PIP4K2A: variants seen among roughly 807,000 people sequenced by gnomAD.
PIP4K2A encodes the protein phosphatidylinositol-5-phosphate 4-kinase type 2 alpha.
Under a neutral mutation model 42.9 loss-of-function variants are expected in PIP4K2A, and 14 were observed. The ratio of observed to expected loss-of-function variants is 0.33; its 90% CI spans 0.22 to 0.51. PIP4K2A has a LOEUF of 0.51. Ranked by LOEUF, PIP4K2A falls within the 20% of genes least tolerant of loss-of-function variation. PIP4K2A has a pLI of 0.97. For missense variants in PIP4K2A, 434 were observed against 519.8 expected (o/e 0.83, Z 1.61); for synonymous variants, 192 against 192.2 (o/e 1.00, Z 0.01).
rs1413359233 is a variant in PIP4K2A at position 22,550,702 on chromosome 10, T to C, written c.749A>G (p.Asn250Ser). 1 of 1,607,146 alleles carries C rather than the reference T, an allele frequency of 6.2e-7. No homozygotes were observed. Among genetic ancestry groups the C allele is most frequent in the African/African-American group, 1.3e-5 (1 of 74,988 alleles). The change falls in exon 7 of 10, where the codon AAC (asparagine) becomes AGC (serine). Residue 250 changes from asparagine to serine, a missense_variant. Coordinates refer to ENST00000376573, the MANE Select transcript of PIP4K2A (RefSeq NM_005028.5). ...NEGQKIYIDD[N>S]NKKVFLEKLK... ...TTTTTCCAGGAAGACCTTCTTGTTGTTGTCATCAATATAAATCTTTTGGCC... is the reference window on the plus strand; with the variant it reads ...TTTTTCCAGGAAGACCTTCTTGTTGCTGTCATCAATATAAATCTTTTGGCC...
chr10:22,663,845 T>C (rs907587122), intron 1 of PIP4K2A, among the ~76,000 whole-genome samples: 3 of 151,450 alleles, frequency 2.0e-5, no homozygotes, highest in Non-Finnish European at 4.4e-5. Context: ...AATCTCACTG[T>C]TGTGCATTCA....
At chr10:22,639,685 C>A (rs1489908619) in intron 1 of PIP4K2A, among the ~76,000 whole-genome samples, 1 of 152,126 alleles carries the variant, frequency 6.6e-6, no homozygotes, top group African/African-American at 2.4e-5. Flanking sequence ...AACTTATTTG[C>A]TATAGTGAAT....
intron 1 of PIP4K2A, among the ~76,000 whole-genome samples, chr10:22,700,695 T>G (rs905087809): frequency 2.0e-5 from 3 of 152,210 alleles, no homozygotes; most frequent in African/African-American, 7.2e-5. Context: ...GCAGGTCATG[T>G]AGAATGCTAC....
At chr10:22,591,895 G>A in intron 3 of PIP4K2A, 114 bp from the exon 4 acceptor site, 2 of 895,756 alleles carry the variant, frequency 2.2e-6, no homozygotes, top group South Asian at 2.1e-5. Flanking sequence ...AAACATTTGT[G>A]TGTGGGATAA....
At chr10:22,567,395 G>T (rs1836870204) in intron 6 of PIP4K2A, 1 of 338,570 alleles carries the variant, frequency 3.0e-6, no homozygotes, top group Admixed American at 3.9e-5. Flanking sequence ...TTGGAAAGGA[G>T]TTTGAGGCTC....
intron 1 of PIP4K2A, among the ~76,000 whole-genome samples, chr10:22,698,458 ATCTCT>A (rs978755957): frequency 2.0e-5 from 3 of 152,210 alleles, no homozygotes; most frequent in African/African-American, 7.2e-5. Context: ...CAAAAAGAGA[ATCTCT>A]TCTAAGGAAA....
intron 1 of PIP4K2A, among the ~76,000 whole-genome samples, chr10:22,650,421 A>T (rs907142528): frequency 6.6e-6 from 1 of 152,118 alleles, no homozygotes; most frequent in Non-Finnish European, 1.5e-5. Context: ...ACACCCAGCT[A>T]ATTTTTGTAG....
chr10:22,596,444 G>A (rs1280097283), intron 3 of PIP4K2A, among the ~76,000 whole-genome samples: 1 of 152,182 alleles, frequency 6.6e-6, no homozygotes, highest in Non-Finnish European at 1.5e-5. Context: ...ATGTATTCAG[G>A]ACAACGTCAG....
intron 7 of PIP4K2A, among the ~76,000 whole-genome samples, chr10:22,545,203 C>T (rs1056552524): frequency 6.6e-6 from 1 of 152,334 alleles, no homozygotes; most frequent in South Asian, 2.1e-4. Flanking sequence ...GAAGTAACTA[C>T]CAAAGCCAAA....
intron 4 of PIP4K2A, among the ~76,000 whole-genome samples, chr10:22,579,200 G>A (rs1837196566): frequency 1.3e-5 from 2 of 152,142 alleles, no homozygotes; most frequent in African/African-American, 4.8e-5. Context: ...ATTCGGAAAT[G>A]GTCACAGTTT....
At chr10:22,557,831 A>T (rs76659795) in intron 6 of PIP4K2A, among the ~76,000 whole-genome samples, 2 of 152,216 alleles carry the variant, frequency 1.3e-5, no homozygotes, top group Non-Finnish European at 1.5e-5. Flanking sequence ...CCTAAAATGC[A>T]CAGAGCCAAA....
intron 1 of PIP4K2A, 178 bp downstream of exon 1, chr10:22,714,005 G>T: frequency 1.8e-6 from 1 of 566,516 alleles, no homozygotes; most frequent in Non-Finnish European, 3.0e-6. Flanking sequence ...GTGCCTGGGC[G>T]GCCCAGAGGG....
intron 1 of PIP4K2A, among the ~76,000 whole-genome samples, chr10:22,703,805 T>C (rs1833759899): frequency 6.6e-6 from 1 of 152,086 alleles, no homozygotes; most frequent in Non-Finnish European, 1.5e-5. Flanking sequence ...AGAAAGAAGA[T>C]TCAAATAGAA....
rs535637712 is a variant in PIP4K2A at position 22,599,494 on chromosome 10, G to A, written c.340-7713C>T. ...CTCATCCACCATGAGGCTGTCTCTG[G>A]ATGAGTGAGGTGACCTGGCAAGTGC... On this transcript the variant is annotated intron_variant, in intron 3 of 9. Coordinates refer to ENST00000376573, the MANE Select transcript of PIP4K2A (RefSeq NM_005028.5). Among the ~76,000 whole-genome samples the A allele has an allele frequency of 4.6e-5, 7 of 152,286 alleles. No individual in the cohort carries two copies. The East Asian group carries it at 1.4e-3, about 29-fold the overall frequency.
chr10:22,653,286 T>C (rs1333767342), intron 1 of PIP4K2A, among the ~76,000 whole-genome samples: 7 of 152,072 alleles, frequency 4.6e-5, no homozygotes, highest in Non-Finnish European at 1.0e-4. Flanking sequence ...GGTAAGGAAA[T>C]GAAGGAAGGC....
At chr10:22,628,324 A>C (rs1046326693) in intron 1 of PIP4K2A, among the ~76,000 whole-genome samples, 9 of 152,242 alleles carry the variant, frequency 5.9e-5, no homozygotes, top group African/African-American at 2.2e-4. Context: ...TCAAACTTAT[A>C]AATGTTCATA....
At chr10:22,647,348 G>A (rs904692119) in intron 1 of PIP4K2A, among the ~76,000 whole-genome samples, 11 of 151,894 alleles carry the variant, frequency 7.2e-5, no homozygotes, top group Non-Finnish European at 1.3e-4. Flanking sequence ...GTGCACGCGC[G>A]TGTGCGTGTG....
chr10:22,560,328 T>C (rs1445965539), intron 6 of PIP4K2A, among the ~76,000 whole-genome samples: 1 of 152,162 alleles, frequency 6.6e-6, no homozygotes, highest in Admixed American at 6.5e-5. Context: ...TGTGTCACGT[T>C]TGGGGAGCCC....
intron 3 of PIP4K2A, among the ~76,000 whole-genome samples, chr10:22,605,014 CA>C (rs959859146): frequency 1.3e-5 from 2 of 152,216 alleles, no homozygotes; most frequent in African/African-American, 2.4e-5. Context: ...ACCAAGTAGC[CA>C]AAAGACTGGG....
Sources: gnomAD v4.1 joint callset for allele counts (sites outside exome capture counted in the v4.1 genomes callset) on GRCh38, gnomAD v4.1.1 for gene constraint, MANE v1.5 for transcripts, NCBI Gene and HGNC (gene_info 2026-07-23, HGNC 2026-07-21) for gene names.